The following SCN7A variants were observed in gnomAD, a reference collection of about 807,000 sequenced individuals.
SCN7A encodes the protein sodium channel protein type 7 subunit alpha.
SCN7A carries 138 observed loss-of-function variants against 155.2 expected under a neutral mutation model. The observed-to-expected ratio is 0.89, with a 90% CI of 0.77 to 1.02. The LOEUF is 1.02. Among genes scored for constraint, SCN7A ranks in the 50% least tolerant of loss-of-function variants. The pLI is 0.00. For synonymous variants in SCN7A, 693 were observed against 649.0 expected, an observed-to-expected ratio of 1.07 and a Z score of -1.03; for missense variants, 2,058 against 1,986.6, an observed-to-expected ratio of 1.04 and a Z score of -0.68.
intron 3 of SCN7A, among the ~76,000 whole-genome samples, chr2:166,476,480 G>GC (rs971473704): frequency 2.6e-5 from 4 of 151,894 alleles, no homozygotes; most frequent in African/African-American, 9.7e-5. Flanking sequence ...GAAAACCTTG[G>GC]CATTTTTAGT....
intron 2 of SCN7A, among the ~76,000 whole-genome samples, chr2:166,480,084 A>T (rs953855181): frequency 2.0e-5 from 3 of 152,220 alleles, no homozygotes; most frequent in African/African-American, 7.2e-5. Flanking sequence ...GGGAGCCAAG[A>T]TGCTCTGAAT....
At chr2:166,488,092 G>A (rs1478517433) in intron 1 of SCN7A, among the ~76,000 whole-genome samples, 1 of 152,176 alleles carries the variant, frequency 6.6e-6, no homozygotes, top group Non-Finnish European at 1.5e-5. Context: ...TACATAATCT[G>A]TATTGTTGAG....
At chr2:166,470,325 A>C (rs1702626173) in intron 7 of SCN7A, among the ~76,000 whole-genome samples, 1 of 151,898 alleles carries the variant, frequency 6.6e-6, no homozygotes, top group Non-Finnish European at 1.5e-5. Flanking sequence ...GTCTAAGAAG[A>C]ATTTTATAAG....
chr2:166,413,747 A>G (rs944610205), intron 21 of SCN7A, among the ~76,000 whole-genome samples: 1 of 151,342 alleles, frequency 6.6e-6, no homozygotes, highest in African/African-American at 2.4e-5. Context: ...GCAAATATAA[A>G]GCAGGCAGGA....
chr2:166,444,162 AAAC>A (rs534023412), intron 13 of SCN7A, among the ~76,000 whole-genome samples: 141 of 152,328 alleles, frequency 9.3e-4, no homozygotes, highest in Middle Eastern at 6.8e-3. Flanking sequence ...CCAAGCAACT[AAAC>A]AACAACAATG....
At chr2:166,475,613 AT>A (rs1321287147) in intron 3 of SCN7A, among the ~76,000 whole-genome samples, 2 of 151,856 alleles carry the variant, frequency 1.3e-5, no homozygotes, top group Non-Finnish European at 2.9e-5. Context: ...AGTAAATCTG[AT>A]TTTTTAAAAT....
intron 15 of SCN7A, among the ~76,000 whole-genome samples, chr2:166,434,938 T>C (rs574967763): frequency 3.3e-5 from 5 of 152,162 alleles, no homozygotes; most frequent in Admixed American, 1.3e-4. Flanking sequence ...GAATAAAAAA[T>C]AGATTTTGTG....
chr2:166,441,340 T>C (rs764806288), intron 15 of SCN7A, 56 bp downstream of exon 15: 56 of 1,267,894 alleles, frequency 4.4e-5, no homozygotes, highest in Non-Finnish European at 5.9e-5. Context: ...ATCATGAAAA[T>C]ACCAAACTAC....
At chr2:166,421,996 T>C (rs954086219) in intron 19 of SCN7A, among the ~76,000 whole-genome samples, 6 of 152,114 alleles carry the variant, frequency 3.9e-5, no homozygotes, top group African/African-American at 9.6e-5. Flanking sequence ...AGCCTTGAAG[T>C]AGGCTTTGAA....
At chr2:166,486,659 T>C (rs1703057518) in intron 2 of SCN7A, among the ~76,000 whole-genome samples, 197 bp downstream of exon 2, 1 of 152,176 alleles carries the variant, frequency 6.6e-6, no homozygotes, top group Admixed American at 6.5e-5. Context: ...TATTTCAGAA[T>C]AGCTTGTGCT....
chr2:166,406,042 C>T lies in SCN7A; in HGVS notation c.4587G>A (p.Arg1529=), dbSNP rs780288267. 6.2e-7 allele frequency: 1 copy of T among 1,612,872 alleles called. No homozygotes were observed. Among genetic ancestry groups the T allele is most frequent in the Non-Finnish European group, 8.5e-7 (1 of 1,179,358 alleles). Residue 1529 remains arginine (R), a synonymous_variant, in exon 26 of 26, where the codon AGG becomes AGA. Coordinates refer to ENST00000643258, the MANE Select transcript of SCN7A (RefSeq NM_002976.4). ...GCTTGCTAGAGTCTATGTACTGGGT[C>T]CTATCAGGATCAAACCTTTTCCATA... ...FQVWKRFDPD[R]TQYIDSSKLS...
chr2:166,408,511 T>C (rs1701125153), intron 25 of SCN7A, among the ~76,000 whole-genome samples: 1 of 152,032 alleles, frequency 6.6e-6, no homozygotes, highest in Non-Finnish European at 1.5e-5. Context: ...TGCTTTTCCT[T>C]CCAGTTCTCT....
chr2:166,471,839 G>A (rs1381364282), intron 6 of SCN7A, among the ~76,000 whole-genome samples: 1 of 151,680 alleles, frequency 6.6e-6, no homozygotes, highest in Non-Finnish European at 1.5e-5. Flanking sequence ...AATCTGCTAG[G>A]ACCTTCTCCT....
intron 1 of SCN7A, among the ~76,000 whole-genome samples, chr2:166,492,206 C>T (rs1240242714): frequency 1.3e-5 from 2 of 152,076 alleles, no homozygotes; most frequent in South Asian, 2.1e-4. Flanking sequence ...GCAGGTCCAA[C>T]GGTCGTGTGC....
At position 166,411,809 on chromosome 2, in the gene SCN7A, T is replaced by C. The variant is rs529430126; in HGVS notation, c.3606+721A>G. Among the ~76,000 whole-genome samples the C allele has an allele frequency of 3.9e-3, 587 of 152,152 alleles. 1 individual carries two copies. The highest frequency in any genetic ancestry group is 0.015 in the South Asian group (71 of 4,822). On this transcript the variant is annotated intron_variant, in intron 23 of 25. Coordinates refer to ENST00000643258, the MANE Select transcript of SCN7A (RefSeq NM_002976.4). ...CCCCTTGGATAAGGAGAGTCTACTG[T>C]ACCAGATTTTACACATGGCTAAAGT...
At chr2:166,466,009 T>C in intron 7 of SCN7A, 22 bp from the exon 8 acceptor site, 1 of 1,562,480 alleles carries the variant, frequency 6.4e-7, no homozygotes, top group South Asian at 1.1e-5. Flanking sequence ...AACATTTGTT[T>C]TCGAAATAAT....
At chr2:166,416,303 T>C (rs994175399) in intron 21 of SCN7A, among the ~76,000 whole-genome samples, 8 of 152,146 alleles carry the variant, frequency 5.3e-5, no homozygotes, top group Non-Finnish European at 1.0e-4. Context: ...ATGTGATCTT[T>C]GTTCTGCTTT....
intron 18 of SCN7A, among the ~76,000 whole-genome samples, chr2:166,424,589 T>C (rs190777268): frequency 2.4e-4 from 36 of 152,086 alleles, no homozygotes; most frequent in African/African-American, 8.4e-4. Context: ...TTCATAATAA[T>C]AGAGGGATCA....
Position 166,441,695 on chromosome 2 carries a change from G to T in SCN7A, c.1858C>A (p.Leu620Ile), listed in dbSNP as rs1701964367. ...WPTFQILMWS[L>I]SNSWVALKDL... ...TTCAGGGCCACCCATGAGTTACTAA[G>T]AGACCACATCAAAATCTGGAATGTT... Residue 620 changes from leucine (L) to isoleucine (I), a missense_variant, in exon 15 of 26, where the codon CTT becomes ATT. Physicochemically the swap from Leu to Ile is conservative, Grantham distance 5. Transcript: ENST00000643258. The T allele has an allele frequency of 1.3e-5, 21 of 1,613,204 alleles. No individual in the cohort carries two copies. The highest frequency in any genetic ancestry group is 1.8e-5 in the Non-Finnish European group (21 of 1,179,636).
Sources: gnomAD v4.1 joint callset for allele counts (sites outside exome capture counted in the v4.1 genomes callset) on GRCh38, gnomAD v4.1.1 for gene constraint, MANE v1.5 for transcripts, NCBI Gene and HGNC (gene_info 2026-07-23, HGNC 2026-07-21) for gene names.